DCUN1D2: variants seen among roughly 807,000 people sequenced by gnomAD.
The protein encoded by DCUN1D2 is DCN1-like protein 2.
DCUN1D2 carries 29 observed loss-of-function variants against 30.9 expected under a neutral mutation model. The ratio of observed to expected loss-of-function variants is 0.94; its 90% CI spans 0.70 to 1.28. The LOEUF is 1.28. DCUN1D2 is among the 50% of genes most tolerant of loss of function. DCUN1D2 has a pLI of 0.00. For missense variants in DCUN1D2, 325 were observed against 316.9 expected (o/e 1.03, Z -0.19); for synonymous variants, 121 against 115.3 (o/e 1.05, Z -0.32).
At chr13:113,462,120 C>CGG (rs1477696434) in intron 4 of DCUN1D2, among the ~76,000 whole-genome samples, 2 of 151,960 alleles carry the variant, frequency 1.3e-5, no homozygotes, top group African/African-American at 4.8e-5. Context: ...GGCGTGGTGG[C>CGG]TCATGCCTGT....
intron 4 of DCUN1D2, among the ~76,000 whole-genome samples, chr13:113,467,681 C>T (rs1044189145): frequency 4.6e-5 from 7 of 152,082 alleles, no homozygotes; most frequent in Admixed American, 1.3e-4. Context: ...GGTGGTTCCT[C>T]GTTCCTCAAG....
intron 4 of DCUN1D2, among the ~76,000 whole-genome samples, chr13:113,471,194 ACC>A (rs1302026059): frequency 1.3e-5 from 2 of 150,820 alleles, no homozygotes; most frequent in African/African-American, 4.9e-5. Context: ...TCCACAGGGG[ACC>A]CAACTCCACA....
Position 113,456,490 on chromosome 13 carries a change from G to A in DCUN1D2, c.*1539C>T, listed in dbSNP as rs897640920. 10 of 398,052 alleles carry A rather than the reference G, an allele frequency of 2.5e-5. No individual in the cohort carries two copies. Among genetic ancestry groups the A allele is most frequent in the Admixed American group, 4.4e-5 (1 of 22,724 alleles). 24.7% of individuals were successfully genotyped at this position (398,052 alleles called of 1,614,324 possible). ...CTCACACCGCAGCTAGGTCATCTGC[G>A]GCGACTCTCCTCTGTGCTGGGCAGC... On this transcript the variant is annotated 3_prime_UTR_variant, in exon 7 of 7. Coordinates refer to ENST00000478244, the MANE Select transcript of DCUN1D2 (RefSeq NM_001014283.2).
chr13:113,489,931 G>C (rs774175802), intron 1 of DCUN1D2, among the ~76,000 whole-genome samples: 2 of 151,988 alleles, frequency 1.3e-5, no homozygotes, highest in Non-Finnish European at 2.9e-5. Flanking sequence ...TCCCCTGCTG[G>C]GGCATCAACT....
At chr13:113,483,719 G>C in intron 2 of DCUN1D2, 121 bp downstream of exon 2, 1 of 907,758 alleles carries the variant, frequency 1.1e-6, no homozygotes, top group Admixed American at 2.2e-5. Context: ...AGCGCTGAGC[G>C]TGGGGAGGAG....
intron 4 of DCUN1D2, among the ~76,000 whole-genome samples, chr13:113,467,642 G>A (rs905054014): frequency 3.9e-5 from 6 of 152,034 alleles, no homozygotes; most frequent in Non-Finnish European, 5.9e-5. Context: ...GCTCAGCTTC[G>A]TTGCTGACAG....
Position 113,456,730 on chromosome 13 carries a change from ATCAGATGAAGGTTTTGGGGTTGGGT to A in DCUN1D2, c.*1274_*1298del, listed in dbSNP as rs1268391549. The A allele has an allele frequency of 5.1e-6, 1 of 194,386 alleles. No individual in the cohort carries two copies. The highest frequency in any genetic ancestry group is 1.0e-5 in the Non-Finnish European group (1 of 96,568). 12.0% of individuals were successfully genotyped at this position (194,386 alleles called of 1,614,324 possible). A position where few individuals can be genotyped will look rare whatever the true frequency, so the allele number is the denominator to read the frequency against. ...TGCAAGGACAGACTTCAGCTCACCA[ATCAGATGAAGGTTTTGGGGTTGGGT>A]TTTTTCAGACAACGATGTACATTTT... On this transcript the variant is annotated 3_prime_UTR_variant, in exon 7 of 7. Transcript: ENST00000478244.
chr13:113,470,632 G>C (rs1464542794), intron 4 of DCUN1D2, among the ~76,000 whole-genome samples: 1 of 149,204 alleles, frequency 6.7e-6, no homozygotes. Flanking sequence ...CTCCACAAGG[G>C]ACCCAACTCC....
chr13:113,484,750 G>A (rs139505618), intron 1 of DCUN1D2, among the ~76,000 whole-genome samples: 51 of 152,242 alleles, frequency 3.3e-4, no homozygotes, highest in Non-Finnish European at 6.8e-4. Context: ...AGTATATAAT[G>A]AAACAAAGTA....
chr13:113,462,750 C>T, intron 4 of DCUN1D2: 11 of 1,045,198 alleles, frequency 1.1e-5, no homozygotes, highest in South Asian at 3.0e-5. Context: ...CGATGGGACC[C>T]GCAGTAAAAT....
At chr13:113,484,295 T>C in intron 1 of DCUN1D2, 1 of 783,662 alleles carries the variant, frequency 1.3e-6, no homozygotes, top group Non-Finnish European at 1.9e-6. Context: ...CATTCTGATC[T>C]CTATCCAGTT....
intron 5 of DCUN1D2, among the ~76,000 whole-genome samples, chr13:113,460,155 C>T (rs1221563699): frequency 2.6e-5 from 4 of 152,194 alleles, no homozygotes; most frequent in African/African-American, 9.7e-5. Flanking sequence ...GCTGCAAAGA[C>T]GTCTCTCCAT....
At chr13:113,474,583 T>C (rs1020244644) in intron 3 of DCUN1D2, among the ~76,000 whole-genome samples, 11 of 152,154 alleles carry the variant, frequency 7.2e-5, no homozygotes, top group Non-Finnish European at 1.5e-4. Context: ...GTAAAATTAT[T>C]AAAAGAAAAA....
intron 4 of DCUN1D2, among the ~76,000 whole-genome samples, chr13:113,472,142 A>G (rs1045141149): frequency 1.3e-5 from 2 of 152,016 alleles, no homozygotes; most frequent in South Asian, 4.1e-4. Flanking sequence ...GGGCTAACAC[A>G]TCACCATGGA....
chr13:113,461,693 C>T (rs761894748), intron 4 of DCUN1D2, among the ~76,000 whole-genome samples: 2 of 152,222 alleles, frequency 1.3e-5, no homozygotes, highest in Non-Finnish European at 2.9e-5. Flanking sequence ...AGCGTTCTCA[C>T]TGATGCATCT....
chr13:113,490,619 G>T lies in DCUN1D2; in HGVS notation c.3+48C>A. On this transcript the variant is annotated intron_variant, in intron 1 of 6. Coordinates refer to ENST00000478244, the MANE Select transcript of DCUN1D2 (RefSeq NM_001014283.2). The surrounding 1 kb of genome is among the most constrained non-coding windows in gnomAD (Gnocchi z 5.2). ...GCCGCCTGCGCCGACCTTGGGGCCC[G>T]ACCCCGACCCCGACCCCGACGGGCA... The T allele has an allele frequency of 8.3e-7, 1 of 1,212,068 alleles. No individual in the cohort carries two copies. Among genetic ancestry groups the T allele is most frequent in the Non-Finnish European group, 1.0e-6 (1 of 974,230 alleles). The allele number at this position is 1,212,068 out of a possible 1,614,324, so 75.1% of individuals were successfully genotyped here.
At chr13:113,471,298 ACAACTCCACAGAAGACC>A (rs1566498321) in intron 4 of DCUN1D2, among the ~76,000 whole-genome samples, 4 of 85,696 alleles carry the variant, frequency 4.7e-5, no homozygotes, top group East Asian at 3.8e-4. Context: ...CACAGAAGAC[ACAACTCCACAGAAGACC>A]CAACTCCACA....
chr13:113,459,146 A>G (rs1474795570), intron 6 of DCUN1D2, among the ~76,000 whole-genome samples, 166 bp downstream of exon 6: 2 of 152,224 alleles, frequency 1.3e-5, no homozygotes, highest in Admixed American at 6.5e-5. Flanking sequence ...CACTAAATAT[A>G]AAACCCTATT....
At chr13:113,475,801 G>C (rs1278409509) in intron 3 of DCUN1D2, 1 of 152,300 alleles carries the variant, frequency 6.6e-6, no homozygotes, top group Non-Finnish European at 1.5e-5. Context: ...TGGCACAACA[G>C]AGTGTGACCT....
Sources: allele counts gnomAD v4.1 joint callset (sites outside exome capture counted in the v4.1 genomes callset), GRCh38; gene constraint gnomAD v4.1.1; non-coding constraint Gnocchi (gnomAD v3.1); transcripts MANE v1.5; gene names NCBI Gene and HGNC (gene_info 2026-07-23, HGNC 2026-07-21).